The following COL25A1 variants were observed in gnomAD, a reference collection of about 807,000 sequenced individuals.
COL25A1 encodes the protein collagen alpha-1(XXV) chain.
Under a neutral mutation model 128.4 loss-of-function variants are expected in COL25A1, and 103 were observed. The observed-to-expected ratio is 0.80, with a 90% CI of 0.68 to 0.94. The LOEUF is 0.94. COL25A1 is among the 40% of genes least tolerant of loss of function. The probability of loss-of-function intolerance (pLI) is 0.00; values close to 1 mark genes in which losing one functional copy is unlikely to be tolerated. For missense variants in COL25A1, 745 were observed against 840.0 expected (o/e 0.89, Z 1.40); for synonymous variants, 279 against 277.2 (o/e 1.01, Z -0.06).
At chr4:109,225,996 T>TACAC (rs10642927) in intron 3 of COL25A1, among the ~76,000 whole-genome samples, 3,711 of 147,026 alleles carry the variant, frequency 0.025, 89 homozygotes, top group South Asian at 0.12. Flanking sequence ...GTATTTGTAA[T>TACAC]ACACACACAC....
rs373966828 is a variant in COL25A1 at position 108,974,403 on chromosome 4, A to G, written c.466-10T>C. The G allele has an allele frequency of 1.2e-5, 19 of 1,613,860 alleles. No individual in the cohort carries two copies. In the African/African-American group the frequency reaches 1.2e-4, roughly 10 times the overall value. Reference sequence around the variant, plus strand: ...GATCACCTTGTTCTCCCTGTAGAATAGAAAGGTGAGATAACAGTTTTAGCC... The same window carrying G: ...GATCACCTTGTTCTCCCTGTAGAATGGAAAGGTGAGATAACAGTTTTAGCC... On this transcript the variant is annotated splice_polypyrimidine_tract_variant and intron_variant, in intron 7 of 37. Transcript: ENST00000399132.
At chr4:108,855,937 TC>T (rs1736439630) in intron 24 of COL25A1, among the ~76,000 whole-genome samples, 2 of 152,172 alleles carry the variant, frequency 1.3e-5, no homozygotes, top group African/African-American at 4.8e-5. Flanking sequence ...AACAGGATTC[TC>T]TTTTGAACTC....
intron 6 of COL25A1, among the ~76,000 whole-genome samples, chr4:108,981,460 T>C (rs1752963786): frequency 6.6e-6 from 1 of 152,230 alleles, no homozygotes; most frequent in African/African-American, 2.4e-5. Flanking sequence ...TGTAAAATCA[T>C]AGGAGTTCCC....
At chr4:109,238,892 T>C (rs1050038448) in intron 3 of COL25A1, among the ~76,000 whole-genome samples, 1 of 151,956 alleles carries the variant, frequency 6.6e-6, no homozygotes, top group African/African-American at 2.4e-5. Context: ...AAATTCCCTT[T>C]TGATGATAGA....
intron 3 of COL25A1, among the ~76,000 whole-genome samples, chr4:109,216,132 T>C (rs771908036): frequency 3.3e-5 from 5 of 152,174 alleles, no homozygotes; most frequent in Admixed American, 6.6e-5. Flanking sequence ...GTCACTTGTC[T>C]ATTGACTTAG....
At chr4:109,182,753 G>A (rs930394196) in intron 3 of COL25A1, among the ~76,000 whole-genome samples, 1 of 152,096 alleles carries the variant, frequency 6.6e-6, no homozygotes, top group Non-Finnish European at 1.5e-5. Flanking sequence ...AGTGACTGAG[G>A]TCACATCACA....
intron 8 of COL25A1, among the ~76,000 whole-genome samples, chr4:108,974,081 C>T (rs1028773415): frequency 1.3e-5 from 2 of 152,180 alleles, no homozygotes; most frequent in Non-Finnish European, 1.5e-5. Context: ...ACTCAATAGT[C>T]ACGGGAAAGG....
chr4:109,041,013 T>C (rs1308195015), intron 5 of COL25A1, among the ~76,000 whole-genome samples: 2 of 152,120 alleles, frequency 1.3e-5, no homozygotes, highest in Non-Finnish European at 2.9e-5. Context: ...TGAAACTGAC[T>C]CTAAAAGTGT....
chr4:109,280,502 G>A (rs898486689), intron 3 of COL25A1, among the ~76,000 whole-genome samples: 1 of 152,108 alleles, frequency 6.6e-6, no homozygotes, highest in Non-Finnish European at 1.5e-5. Context: ...CTTGGTCTGG[G>A]GGAGAAAAGT....
At chr4:109,015,990 A>T (rs535805975) in intron 5 of COL25A1, among the ~76,000 whole-genome samples, 1 of 152,326 alleles carries the variant, frequency 6.6e-6, no homozygotes, top group African/African-American at 2.4e-5. Context: ...GGACAGGAAG[A>T]GGCAGGATCC....
chr4:109,100,132 C>A (rs555362781), intron 3 of COL25A1, among the ~76,000 whole-genome samples: 1 of 152,046 alleles, frequency 6.6e-6, no homozygotes, highest in Non-Finnish European at 1.5e-5. Context: ...TTCTGAAGGT[C>A]AGTTTAGTAA....
At chr4:108,964,792 G>T (rs1751110897) in intron 8 of COL25A1, among the ~76,000 whole-genome samples, 2 of 152,156 alleles carry the variant, frequency 1.3e-5, no homozygotes, top group African/African-American at 2.4e-5. Flanking sequence ...ACTCTAAAGA[G>T]AATTCTGATT....
intron 3 of COL25A1, among the ~76,000 whole-genome samples, chr4:109,159,433 T>C (rs1295294412): frequency 6.6e-6 from 1 of 152,040 alleles, no homozygotes; most frequent in Admixed American, 6.6e-5. Flanking sequence ...TGGAGACACG[T>C]ATAAGAATAC....
At chr4:108,838,136 G>A (rs1368867797) in intron 31 of COL25A1, 1 of 1,550,312 alleles carries the variant, frequency 6.5e-7, no homozygotes, top group South Asian at 1.2e-5. Context: ...TTTTGACCTG[G>A]TTCACCCTTC....
At chr4:108,865,052 T>A (rs1737722427) in intron 20 of COL25A1, among the ~76,000 whole-genome samples, 1 of 152,172 alleles carries the variant, frequency 6.6e-6, no homozygotes, top group South Asian at 2.1e-4. Flanking sequence ...CAAAAAAGTA[T>A]GAATATTTTT....
chr4:108,981,528 TG>T (rs1255374705), intron 6 of COL25A1, among the ~76,000 whole-genome samples: 2 of 152,294 alleles, frequency 1.3e-5, no homozygotes, highest in East Asian at 3.9e-4. Context: ...TCTTTTTAAA[TG>T]CTTCAGTAAA....
intron 3 of COL25A1, among the ~76,000 whole-genome samples, chr4:109,242,707 T>C (rs374670600): frequency 1.3e-5 from 2 of 152,246 alleles, no homozygotes; most frequent in East Asian, 1.9e-4. Flanking sequence ...CCAAAGTTTT[T>C]TTAATTCTTT....
chr4:109,073,089 T>G (rs976676334), intron 3 of COL25A1, among the ~76,000 whole-genome samples: 4 of 152,146 alleles, frequency 2.6e-5, no homozygotes, highest in African/African-American at 9.7e-5. Flanking sequence ...ACACACAATC[T>G]GGCCTATTTC....
chr4:108,982,471 T>C (rs1269932025), intron 6 of COL25A1, among the ~76,000 whole-genome samples: 1 of 152,132 alleles, frequency 6.6e-6, no homozygotes, highest in Non-Finnish European at 1.5e-5. Context: ...GCCCAACCAG[T>C]TCTTGCTGAA....
Sources: allele counts gnomAD v4.1 joint callset (sites outside exome capture counted in the v4.1 genomes callset), GRCh38; gene constraint gnomAD v4.1.1; transcripts MANE v1.5; gene names NCBI Gene and HGNC (gene_info 2026-07-23, HGNC 2026-07-21).